Variants in FAM177B observed in about 807,000 individuals in gnomAD.
FAM177B encodes the protein protein FAM177B.
In FAM177B, 16 loss-of-function variants were observed where a neutral mutation model predicts 16.1. That is an observed-to-expected ratio of 0.99 (90% CI 0.67 to 1.51). FAM177B has a LOEUF of 1.51. Among genes scored for constraint, FAM177B ranks in the 40% most tolerant of loss-of-function variants. The probability of loss-of-function intolerance (pLI) is 0.00; values close to 1 mark genes in which losing one functional copy is unlikely to be tolerated. For synonymous variants in FAM177B, 56 were observed against 59.9 expected (o/e 0.93, Z 0.30); for missense variants, 178 against 183.7 (o/e 0.97, Z 0.18).
intron 2 of FAM177B, among the ~76,000 whole-genome samples, chr1:222,741,396 T>G (rs147039774): frequency 4.6e-5 from 7 of 152,250 alleles, no homozygotes; most frequent in Non-Finnish European, 1.0e-4. Context: ...GGGTTTAGTT[T>G]TCTTCTTCTT....
Position 222,747,078 on chromosome 1 carries a change from T to G in FAM177B, c.238T>G (p.Ser80Ala). 13 of 1,604,058 alleles carry G rather than the reference T, an allele frequency of 8.1e-6. No homozygotes were observed. Among genetic ancestry groups the G allele is most frequent in the Non-Finnish European group, 1.1e-5 (13 of 1,170,840 alleles). Residue 80 changes from serine (S) to alanine (A), a missense_variant, in exon 4 of 6, where the codon TCT becomes GCT. Coordinates refer to ENST00000445590, the MANE Select transcript of FAM177B (RefSeq NM_001394345.1). Reference sequence around the variant, plus strand: ...AGGACGAATAGCAAGCACCTCATTTTCTAGTAAGTACTGCTAAGGTTATTT... The same window carrying G: ...AGGACGAATAGCAAGCACCTCATTTGCTAGTAAGTACTGCTAAGGTTATTT... ...WAGRIASTSF[S>A]TCEFLGGRFA...
In FAM177B at chr1:222,750,302, C is replaced by G; in HGVS notation, c.*244C>G. On this transcript the variant is annotated 3_prime_UTR_variant, in exon 6 of 6. Transcript: ENST00000445590. ...AATAATTTCTATATTCAAGCCACCC[C>G]ACCTCAACTCCACCCCTGTGATACA... The G allele has an allele frequency of 7.7e-7, 1 of 1,298,000 alleles. No homozygotes were observed. Among genetic ancestry groups the G allele is most frequent in the Non-Finnish European group, 9.8e-7 (1 of 1,022,428 alleles). The allele number at this position is 1,298,000 out of a possible 1,614,324, so 80.4% of individuals were successfully genotyped here.
In FAM177B at chr1:222,744,472, C is replaced by CAA. The variant is rs763596466; in HGVS notation, c.-15-2043_-15-2042dup. On this transcript the variant is annotated intron_variant, in intron 2 of 5. Coordinates refer to ENST00000445590, the MANE Select transcript of FAM177B (RefSeq NM_001394345.1). ...GGGCAACAAGAGTGAAACTCCATCT[C>CAA]AAAAAAAAAAAAAAAAAGGCAAAAA... is the stretch of plus-strand genomic sequence containing the variant. 6.1e-5 allele frequency among the ~76,000 whole-genome samples: 5 copies of CAA among 82,468 alleles called. 1 individual carries two copies. Among genetic ancestry groups the CAA allele is most frequent in the Admixed American group, 2.7e-4 (2 of 7,290 alleles). 54.1% of individuals were successfully genotyped at this position (82,468 alleles called of 152,430 possible). A position where few individuals can be genotyped will look rare whatever the true frequency, so the allele number is the denominator to read the frequency against.
intron 2 of FAM177B, among the ~76,000 whole-genome samples, chr1:222,740,224 T>C (rs915764764): frequency 2.6e-5 from 4 of 152,182 alleles, no homozygotes; most frequent in African/African-American, 4.8e-5. Flanking sequence ...TGGTGATTTA[T>C]TTTTATATAT....
In FAM177B at chr1:222,750,445, T is replaced by G; in HGVS notation, c.*387T>G. 1 of 998,580 alleles carries G rather than the reference T, an allele frequency of 1.0e-6. No homozygotes were observed. The highest frequency in any genetic ancestry group is 1.2e-6 in the Non-Finnish European group (1 of 839,226). 61.9% of individuals were successfully genotyped at this position (998,580 alleles called of 1,614,324 possible). On this transcript the variant is annotated 3_prime_UTR_variant, in exon 6 of 6. Transcript: ENST00000445590. ...CGAGGGTACAGTAAAGAAGCTCTAT[T>G]CCTCAGAAGAAAATTTGGGCACCGC...
rs1658958468 is a variant in FAM177B at position 222,749,526 on chromosome 1, G to A, written c.303G>A (p.Gln101=). 2 of 1,609,104 alleles carry A rather than the reference G, an allele frequency of 1.2e-6. No homozygotes were observed. The highest frequency in any genetic ancestry group is 1.7e-6 in the Non-Finnish European group (2 of 1,176,338). Residue 101 remains glutamine, a synonymous_variant, in exon 5 of 6, where the codon CAG becomes CAA. Coordinates refer to ENST00000445590, the MANE Select transcript of FAM177B (RefSeq NM_001394345.1). ...VFFGLTQPKY[Q]YVLNEFYRIQ... is the part of the protein sequence containing the mutation. ...TTGGTCTTACTCAACCCAAATATCA[G>A]TATGTGTTAAACGAGTTCTATAGGA...
intron 3 of FAM177B, 66 bp downstream of exon 3, chr1:222,746,785 C>G (rs1658819428): frequency 7.5e-7 from 1 of 1,331,096 alleles, no homozygotes. Context: ...AGAGATTGAG[C>G]CAGACAAGGT....
rs1344830329 is a variant in FAM177B at position 222,750,090 on chromosome 1, A to G, written c.*32A>G. On this transcript the variant is annotated 3_prime_UTR_variant, in exon 6 of 6. Transcript: ENST00000445590. ...TCATCCAGGGAGGGTCTGGTGGCAGATCCTAGCTCATGATGGCAGCAAAGA... is the reference window on the plus strand; with the variant it reads ...TCATCCAGGGAGGGTCTGGTGGCAGGTCCTAGCTCATGATGGCAGCAAAGA... The G allele has an allele frequency of 1.3e-6, 2 of 1,599,932 alleles. No individual in the cohort carries two copies. The highest frequency in any genetic ancestry group is 2.7e-5 in the African/African-American group (2 of 74,156).
intron 4 of FAM177B, 34 bp from the exon 5 acceptor site, chr1:222,749,430 AT>A: frequency 1.6e-6 from 2 of 1,247,770 alleles, no homozygotes; most frequent in Admixed American, 3.6e-5. Flanking sequence ...TTAGTTAGTA[AT>A]TCAGTTTACG....
intron 2 of FAM177B, among the ~76,000 whole-genome samples, chr1:222,745,483 G>A (rs916798501): frequency 6.6e-6 from 1 of 152,124 alleles, no homozygotes; most frequent in African/African-American, 2.4e-5. Context: ...CAGGCTTGGT[G>A]GCACGCACCT....
intron 2 of FAM177B, chr1:222,739,939 T>C (rs530026217): frequency 6.6e-6 from 1 of 152,372 alleles, no homozygotes; most frequent in African/African-American, 2.4e-5. Flanking sequence ...ATGCTTAACA[T>C]ATTGTTGGTC....
chr1:222,746,955 C>T, intron 3 of FAM177B, 60 bp from the exon 4 acceptor site: 2 of 1,162,008 alleles, frequency 1.7e-6, no homozygotes, highest in Non-Finnish European at 2.6e-6. Context: ...TACATTAAAA[C>T]AAATCTGCAG....
rs188726674 is a variant in FAM177B, at chr1:222,749,538, C to T, written c.315C>T (p.Asn105=). 8.9e-5 allele frequency: 142 copies of T among 1,602,456 alleles called. 1 individual carries two copies. Among genetic ancestry groups the T allele is most frequent in the South Asian group, 6.5e-4 (59 of 90,242 alleles). ...LTQPKYQYVL[N]EFYRIQNKKS... ...AACCCAAATATCAGTATGTGTTAAA[C>T]GAGTTCTATAGGATACAAAACAAGG... Residue 105 remains asparagine (N), a synonymous_variant, in exon 5 of 6, where the codon AAC becomes AAT. Coordinates refer to ENST00000445590, the MANE Select transcript of FAM177B (RefSeq NM_001394345.1).
rs1389807920 is a variant in FAM177B, at chr1:222,749,531, T to A, written c.308T>A (p.Val103Glu). Residue 103 changes from valine to glutamate, a missense_variant, in exon 5 of 6, where the codon GTG (valine) becomes GAG (glutamate). By Grantham distance (121) the Val-to-Glu change is moderately radical (BLOSUM62 -2). Coordinates refer to ENST00000445590, the MANE Select transcript of FAM177B (RefSeq NM_001394345.1). The stretch of plus-strand genomic sequence containing the variant: ...CTTACTCAACCCAAATATCAGTATG[T>A]GTTAAACGAGTTCTATAGGATACAA... ...FGLTQPKYQY[V>E]LNEFYRIQNK... 2 of 1,607,502 alleles carry A rather than the reference T, an allele frequency of 1.2e-6. No individual in the cohort carries two copies. The highest frequency in any genetic ancestry group is 1.7e-6 in the Non-Finnish European group (2 of 1,175,068).
At chr1:222,738,435 T>C (rs550297542) in intron 2 of FAM177B, among the ~76,000 whole-genome samples, 2 of 152,116 alleles carry the variant, frequency 1.3e-5, no homozygotes, top group East Asian at 1.9e-4. Flanking sequence ...AGAATTAAAC[T>C]GAGCCGGGCG....
intron 4 of FAM177B, among the ~76,000 whole-genome samples, chr1:222,747,954 G>C (rs2125065211): frequency 6.6e-6 from 1 of 152,272 alleles, no homozygotes; most frequent in South Asian, 2.1e-4. Context: ...TAGGGGCTCT[G>C]ACCTGGAAGA....
At chr1:222,738,806 T>C (rs1172469661) in intron 2 of FAM177B, among the ~76,000 whole-genome samples, 1 of 152,256 alleles carries the variant, frequency 6.6e-6, no homozygotes, top group Admixed American at 6.5e-5. Context: ...GAGACCCCTC[T>C]GTGTGACATG....
At chr1:222,741,920 CTCTCTCTCTCTT>C (rs1216795545) in intron 2 of FAM177B, among the ~76,000 whole-genome samples, 1 of 104,118 alleles carries the variant, frequency 9.6e-6, no homozygotes, top group African/African-American at 4.0e-5. Context: ...CTCTCTCTCT[CTCTCTCTCTCTT>C]TCTTTCTTTC....
intron 3 of FAM177B, 46 bp downstream of exon 3, chr1:222,746,765 T>C (rs772846977): frequency 1.4e-6 from 2 of 1,443,894 alleles, no homozygotes; most frequent in Non-Finnish European, 1.9e-6. Flanking sequence ...GGGGAGGCGG[T>C]GAATGAACAA....
Sources: gnomAD v4.1 joint callset for allele counts (sites outside exome capture counted in the v4.1 genomes callset) on GRCh38, gnomAD v4.1.1 for gene constraint, MANE v1.5 for transcripts, NCBI Gene and HGNC (gene_info 2026-07-23, HGNC 2026-07-21) for gene names.